GPATCH2: variants seen among roughly 807,000 people sequenced by gnomAD.
GPATCH2 encodes G patch domain-containing protein 2.
Under a neutral mutation model 58.0 loss-of-function variants are expected in GPATCH2, and 51 were observed. The observed-to-expected ratio is 0.88, with a 90% CI of 0.70 to 1.11. GPATCH2 has a LOEUF of 1.11. Ranked by LOEUF, GPATCH2 falls within the 50% of genes most tolerant of loss-of-function variation. The pLI is 0.00. For missense variants in GPATCH2, 625 were observed against 652.2 expected, an observed-to-expected ratio of 0.96 and a Z score of 0.45; for synonymous variants, 222 against 218.5, an observed-to-expected ratio of 1.02 and a Z score of -0.14.
rs1488580834 is a variant in GPATCH2, at chr1:217,429,894, TAGAA to T, written c.*1247_*1250del. 1.3e-5 allele frequency: 2 copies of T among 151,076 alleles called. No homozygotes were observed. Among genetic ancestry groups the T allele is most frequent in the East Asian group, 3.9e-4 (2 of 5,152 alleles). 9.4% of individuals were successfully genotyped at this position (151,076 alleles called of 1,614,324 possible). ...AAGTGACAAGATTTTAAAAACCCAT[TAGAA>T]AGGTGATTCACATGTGTTATCTCAG... On this transcript the variant is annotated 3_prime_UTR_variant, in exon 10 of 10. Coordinates refer to ENST00000366935, the MANE Select transcript of GPATCH2 (RefSeq NM_018040.5).
At chr1:217,487,653 T>A (rs1027399314) in intron 8 of GPATCH2, among the ~76,000 whole-genome samples, 1 of 152,158 alleles carries the variant, frequency 6.6e-6, no homozygotes, top group Non-Finnish European at 1.5e-5. Flanking sequence ...CTCCAACTCC[T>A]GACCTCAGGT....
intron 5 of GPATCH2, among the ~76,000 whole-genome samples, chr1:217,520,883 C>T (rs1377240933): frequency 2.0e-5 from 3 of 152,130 alleles, no homozygotes; most frequent in Non-Finnish European, 2.9e-5. Context: ...GTTGCCCAAG[C>T]GTGAGTACTC....
chr1:217,618,814 T>A lies in GPATCH2; in HGVS notation c.773+969A>T, dbSNP rs182959261. On this transcript the variant is annotated intron_variant, in intron 2 of 9. Transcript: ENST00000366935. ...GTCTCTACTAAAAATACAAAAAAAA[T>A]TCGCCAGGCATGGTGGTGCACACAG... 5.3e-4 allele frequency among the ~76,000 whole-genome samples: 81 copies of A among 151,726 alleles called. 1 individual carries two copies. The East Asian group carries it at 0.013, about 25-fold the overall frequency.
At chr1:217,606,880 C>A (rs1400400735) in intron 5 of GPATCH2, among the ~76,000 whole-genome samples, 1 of 152,036 alleles carries the variant, frequency 6.6e-6, no homozygotes, top group Non-Finnish European at 1.5e-5. Context: ...ATATTATGCA[C>A]CAGAGATGGT....
intron 7 of GPATCH2, chr1:217,495,108 A>T (rs1428328730): frequency 2.1e-6 from 1 of 486,090 alleles, no homozygotes; most frequent in Non-Finnish European, 2.7e-6. Flanking sequence ...AACTCATATA[A>T]GAATTACATT....
intron 5 of GPATCH2, among the ~76,000 whole-genome samples, chr1:217,515,100 A>AC: frequency 7.0e-6 from 1 of 143,852 alleles, no homozygotes; most frequent in South Asian, 2.2e-4. Context: ...CCTCTGCTAG[A>AC]TTTTTTTTTT....
intron 5 of GPATCH2, among the ~76,000 whole-genome samples, chr1:217,590,138 A>T (rs768520356): frequency 9.9e-5 from 15 of 151,060 alleles, no homozygotes; most frequent in Non-Finnish European, 1.9e-4. Flanking sequence ...CTCCTGCCTC[A>T]TCCTTCCTAG....
Position 217,428,030 on chromosome 1 carries a change from G to C in GPATCH2, c.*3115C>G, listed in dbSNP as rs1215995535. 6.6e-6 allele frequency: 1 copy of C among 152,024 alleles called. No individual in the cohort carries two copies. The highest frequency in any genetic ancestry group is 1.5e-5 in the Non-Finnish European group (1 of 67,990). The allele number at this position is 152,024 out of a possible 1,614,324, so 9.4% of individuals were successfully genotyped here. A position where few individuals can be genotyped will look rare whatever the true frequency, so the allele number is the denominator to read the frequency against. ...TTAGCAATGAATGTTTATTTAAAAG[G>C]GTGCCATATAGTTTAAAAATAAAAG... is the stretch of plus-strand genomic sequence containing the variant. On this transcript the variant is annotated 3_prime_UTR_variant, in exon 10 of 10. Transcript: ENST00000366935.
chr1:217,440,602 T>C (rs938499848), intron 9 of GPATCH2, among the ~76,000 whole-genome samples: 9 of 152,208 alleles, frequency 5.9e-5, no homozygotes, highest in Non-Finnish European at 1.2e-4. Context: ...GATTGCATAT[T>C]TAGAAAACCC....
At chr1:217,524,533 G>T (rs912413816) in intron 5 of GPATCH2, among the ~76,000 whole-genome samples, 1 of 151,766 alleles carries the variant, frequency 6.6e-6, no homozygotes, top group Non-Finnish European at 1.5e-5. Context: ...ATGTTGTAGC[G>T]AGCTGAGATC....
chr1:217,444,224 C>G (rs969531427), intron 9 of GPATCH2, among the ~76,000 whole-genome samples: 2 of 152,212 alleles, frequency 1.3e-5, no homozygotes, highest in African/African-American at 4.8e-5. Flanking sequence ...TCCAGTCTGC[C>G]CATTTCTGAT....
At chr1:217,586,184 CCT>C (rs1667332287) in intron 5 of GPATCH2, among the ~76,000 whole-genome samples, 1 of 151,926 alleles carries the variant, frequency 6.6e-6, no homozygotes, top group Non-Finnish European at 1.5e-5. Flanking sequence ...TTTAAAATAT[CCT>C]CTTTCTTCAA....
chr1:217,427,299 G>A lies in GPATCH2; in HGVS notation c.*3846C>T, dbSNP rs754278131. ...AAAAACAGGAAAATGTGGTAGAGCA[G>A]CTCACAATCGGCTATGAATACATTT... On this transcript the variant is annotated 3_prime_UTR_variant, in exon 10 of 10. Transcript: ENST00000366935. The A allele has an allele frequency of 1.2e-4, 18 of 152,076 alleles. No homozygotes were observed. Among genetic ancestry groups the A allele is most frequent in the African/African-American group, 3.4e-4 (14 of 41,434 alleles). The allele number at this position is 152,076 out of a possible 1,614,324, so 9.4% of individuals were successfully genotyped here.
chr1:217,468,515 CCACACACACACACACACACA>C (rs10524566), intron 8 of GPATCH2, among the ~76,000 whole-genome samples: 14 of 142,620 alleles, frequency 9.8e-5, no homozygotes, highest in South Asian at 2.3e-4. Flanking sequence ...GCACACACAA[CCACACACACACACACACACA>C]CACACACACA....
intron 6 of GPATCH2, 66 bp downstream of exon 6, chr1:217,514,756 A>G (rs1663038523): frequency 2.8e-6 from 2 of 723,046 alleles, no homozygotes; most frequent in Admixed American, 4.3e-5. Context: ...AGTAGTAGCT[A>G]ATAATTTCCC....
At chr1:217,541,794 ACC>A (rs1664755225) in intron 5 of GPATCH2, among the ~76,000 whole-genome samples, 1 of 152,200 alleles carries the variant, frequency 6.6e-6, no homozygotes, top group African/African-American at 2.4e-5. Context: ...GTAATTCACT[ACC>A]TCACATAATA....
chr1:217,530,263 A>C (rs960579603), intron 5 of GPATCH2, among the ~76,000 whole-genome samples: 1 of 152,218 alleles, frequency 6.6e-6, no homozygotes, highest in Non-Finnish European at 1.5e-5. Context: ...ATGGAGCCAG[A>C]CTGCCTGGGT....
intron 8 of GPATCH2, among the ~76,000 whole-genome samples, chr1:217,482,638 G>C (rs1364250385): frequency 6.6e-6 from 1 of 152,022 alleles, no homozygotes; most frequent in Non-Finnish European, 1.5e-5. Flanking sequence ...AGTCTTGTAG[G>C]CCAAAAAGAA....
intron 1 of GPATCH2, among the ~76,000 whole-genome samples, chr1:217,626,295 C>T (rs1232703952): frequency 6.6e-6 from 1 of 152,152 alleles, no homozygotes; most frequent in Non-Finnish European, 1.5e-5. Context: ...TACTAACACA[C>T]AGTACATAGT....
Sources: gnomAD v4.1 joint callset for allele counts (sites outside exome capture counted in the v4.1 genomes callset) on GRCh38, gnomAD v4.1.1 for gene constraint, MANE v1.5 for transcripts, NCBI Gene and HGNC (gene_info 2026-07-23, HGNC 2026-07-21) for gene names.